CENPP: variants seen among roughly 807,000 people sequenced by gnomAD.
CENPP encodes centromere protein P.
In CENPP, 24 loss-of-function variants were observed where a neutral mutation model predicts 35.6. That is an observed-to-expected ratio of 0.67 (90% confidence interval 0.49 to 0.95). The LOEUF is 0.95. Ranked by LOEUF, CENPP falls within the 40% of genes least tolerant of loss-of-function variation. The pLI is 0.00. For synonymous variants in CENPP, 120 were observed against 125.5 expected, an observed-to-expected ratio of 0.96 and a Z score of 0.29; for missense variants, 332 against 345.3, an observed-to-expected ratio of 0.96 and a Z score of 0.31.
intron 5 of CENPP, among the ~76,000 whole-genome samples, chr9:92,427,433 G>C (rs1485606414): frequency 6.6e-6 from 1 of 152,092 alleles, no homozygotes; most frequent in African/African-American, 2.4e-5. Flanking sequence ...AAAGTGCTGG[G>C]ATTACAGGCA....
At chr9:92,544,305 G>C (rs1486449106) in intron 5 of CENPP, among the ~76,000 whole-genome samples, 1 of 152,040 alleles carries the variant, frequency 6.6e-6, no homozygotes, top group African/African-American at 2.4e-5. Flanking sequence ...ACAAAATCCC[G>C]TCTCTACTAA....
intron 5 of CENPP, among the ~76,000 whole-genome samples, chr9:92,529,084 T>TGAC (rs1319494175): frequency 6.6e-6 from 1 of 152,018 alleles, no homozygotes; most frequent in Non-Finnish European, 1.5e-5. Context: ...AGAGAAAAAA[T>TGAC]ACATGACAAG....
intron 5 of CENPP, among the ~76,000 whole-genome samples, chr9:92,483,608 G>C (rs1020653024): frequency 6.6e-6 from 1 of 152,190 alleles, no homozygotes; most frequent in African/African-American, 2.4e-5. Context: ...CTGTTGTATA[G>C]ATTTGGAGGC....
rs1351491230 is a variant in CENPP at position 92,375,700 on chromosome 9, TA to T, written c.468-4056del. Among the ~76,000 whole-genome samples, 4 of 152,136 alleles carry T rather than the reference TA, an allele frequency of 2.6e-5. No homozygotes were observed. In the East Asian group the frequency reaches 5.8e-4, roughly 22 times the overall value. On this transcript the variant is annotated intron_variant, in intron 4 of 7. Transcript: ENST00000375587. ...TCAGTTCTAAAATTTCTATTTCTTT[TA>T]AAAAAATTTCTCTCTTTATTGCCAT...
At chr9:92,501,282 C>T (rs902813101) in intron 5 of CENPP, among the ~76,000 whole-genome samples, 3 of 151,960 alleles carry the variant, frequency 2.0e-5, no homozygotes, top group Non-Finnish European at 2.9e-5. Flanking sequence ...TGAGTCCATG[C>T]GAGAGGAGCA....
In CENPP at chr9:92,450,507, A is replaced by C. The variant is rs1413377502; in HGVS notation, c.564+70648A>C. ...ATCCAGTCTATCATTGTTGGACATT[A>C]GGGTTGGTTCCAAGTCTTTGCTATT... On this transcript the variant is annotated intron_variant, in intron 5 of 7. Coordinates refer to ENST00000375587, the MANE Select transcript of CENPP (RefSeq NM_001012267.3). Among the ~76,000 whole-genome samples the C allele has an allele frequency of 5.3e-5, 8 of 151,926 alleles. No homozygotes were observed. The South Asian group carries it at 1.7e-3, about 32-fold the overall frequency.
chr9:92,421,996 A>G (rs1186843814), intron 5 of CENPP, among the ~76,000 whole-genome samples: 1 of 151,882 alleles, frequency 6.6e-6, no homozygotes, highest in South Asian at 2.1e-4. Flanking sequence ...CTCATTGATG[A>G]TATTTTATGT....
chr9:92,572,003 C>T (rs1052463920), intron 5 of CENPP, among the ~76,000 whole-genome samples: 2 of 150,996 alleles, frequency 1.3e-5, no homozygotes, highest in Non-Finnish European at 2.9e-5. Context: ...AGATGGGTCT[C>T]CTGAATACAG....
intron 5 of CENPP, among the ~76,000 whole-genome samples, chr9:92,562,774 G>T (rs980168928): frequency 6.6e-6 from 1 of 152,170 alleles, no homozygotes; most frequent in Non-Finnish European, 1.5e-5. Context: ...GGAGATGGCT[G>T]TAAACCAGAG....
At chr9:92,524,693 A>T (rs982570310) in intron 5 of CENPP, among the ~76,000 whole-genome samples, 4 of 152,216 alleles carry the variant, frequency 2.6e-5, no homozygotes, top group African/African-American at 4.8e-5. Flanking sequence ...TATGGAGGAG[A>T]AACTAAAACC....
intron 4 of CENPP, among the ~76,000 whole-genome samples, chr9:92,359,902 C>T (rs1053997969): frequency 3.3e-5 from 5 of 151,810 alleles, no homozygotes. Flanking sequence ...GTAGCTGCTG[C>T]TATACTAAGA....
intron 5 of CENPP, among the ~76,000 whole-genome samples, chr9:92,569,689 G>A (rs576592247): frequency 6.6e-5 from 10 of 152,192 alleles, no homozygotes; most frequent in East Asian, 1.9e-4. Context: ...CATCTTCATG[G>A]TATTGATTCT....
At chr9:92,351,759 G>A (rs1841451098) in intron 4 of CENPP, among the ~76,000 whole-genome samples, 1 of 151,814 alleles carries the variant, frequency 6.6e-6, no homozygotes, top group Non-Finnish European at 1.5e-5. Context: ...CAAGTAGCTG[G>A]GATTACAGGC....
At chr9:92,427,368 G>A (rs950810468) in intron 5 of CENPP, among the ~76,000 whole-genome samples, 2 of 152,206 alleles carry the variant, frequency 1.3e-5, no homozygotes, top group Non-Finnish European at 2.9e-5. Flanking sequence ...TCACCATGTT[G>A]GCCAGCCTGG....
intron 5 of CENPP, among the ~76,000 whole-genome samples, chr9:92,438,842 G>C (rs911180145): frequency 6.6e-6 from 1 of 152,156 alleles, no homozygotes; most frequent in African/African-American, 2.4e-5. Flanking sequence ...AATCCCAGCT[G>C]CTTGGGAGGC....
At chr9:92,581,855 G>A (rs1337576329) in intron 5 of CENPP, among the ~76,000 whole-genome samples, 1 of 152,170 alleles carries the variant, frequency 6.6e-6, no homozygotes, top group Admixed American at 6.5e-5. Context: ...AAAATACACA[G>A]TAATACAAGG....
chr9:92,512,551 A>C (rs1278930201), intron 5 of CENPP, among the ~76,000 whole-genome samples: 1 of 152,220 alleles, frequency 6.6e-6, no homozygotes, highest in Non-Finnish European at 1.5e-5. Flanking sequence ...ATGAATGCTC[A>C]TGCCAATCAC....
chr9:92,541,694 C>T (rs976355894), intron 5 of CENPP, among the ~76,000 whole-genome samples: 5 of 151,942 alleles, frequency 3.3e-5, no homozygotes, highest in South Asian at 2.1e-4. Flanking sequence ...TTTATTCATT[C>T]GCTGATGGAC....
chr9:92,619,479 G>A lies in CENPP; in HGVS notation c.*6330G>A. 6.3e-7 allele frequency: 1 copy of A among 1,579,502 alleles called. No individual in the cohort carries two copies. Among genetic ancestry groups the A allele is most frequent in the Non-Finnish European group, 8.6e-7 (1 of 1,162,124 alleles). On this transcript the variant is annotated 3_prime_UTR_variant, in exon 8 of 8. Transcript: ENST00000375587. ...CCAGGCTGCATGCCTTGCAGTGGGG[G>A]CCTCACCTGGCATCCTGCAGACAGG...
Sources: allele counts gnomAD v4.1 joint callset (sites outside exome capture counted in the v4.1 genomes callset), GRCh38; gene constraint gnomAD v4.1.1; transcripts MANE v1.5; gene names NCBI Gene and HGNC (gene_info 2026-07-23, HGNC 2026-07-21).